CNTNAP2: variants seen among roughly 807,000 people sequenced by gnomAD.
CNTNAP2 encodes contactin associated protein 2.
CNTNAP2 carries 98 observed loss-of-function variants against 155.2 expected under a neutral mutation model. That is an observed-to-expected ratio of 0.63 (90% CI 0.54 to 0.75). CNTNAP2 has a LOEUF of 0.75. Among genes scored for constraint, CNTNAP2 ranks in the 30% least tolerant of loss-of-function variants. CNTNAP2 has a pLI of 0.00. For synonymous variants in CNTNAP2, 651 were observed against 631.2 expected (o/e 1.03, Z -0.47); for missense variants, 1,727 against 1,688.1 (o/e 1.02, Z -0.40).
At chr7:146,168,741 T>G (rs1169027865) in intron 1 of CNTNAP2, among the ~76,000 whole-genome samples, 2 of 152,220 alleles carry the variant, frequency 1.3e-5, no homozygotes, top group African/African-American at 4.8e-5. Context: ...TGCAATGACC[T>G]ACCCAATGGT....
chr7:147,477,834 CAG>C (rs1798349025), intron 10 of CNTNAP2, among the ~76,000 whole-genome samples: 1 of 152,152 alleles, frequency 6.6e-6, no homozygotes, highest in Admixed American at 6.5e-5. Context: ...AATCAAATGG[CAG>C]AGTTTACACC....
chr7:148,029,975 G>A (rs1802443610), intron 15 of CNTNAP2, among the ~76,000 whole-genome samples: 2 of 152,188 alleles, frequency 1.3e-5, no homozygotes. Flanking sequence ...TAGAATCAAT[G>A]TCTTCTTAAT....
At chr7:147,741,970 T>C (rs1796963263) in intron 13 of CNTNAP2, among the ~76,000 whole-genome samples, 1 of 152,164 alleles carries the variant, frequency 6.6e-6, no homozygotes, top group African/African-American at 2.4e-5. Flanking sequence ...TGGGGAGGCC[T>C]CACAATCATG....
intron 20 of CNTNAP2, among the ~76,000 whole-genome samples, chr7:148,258,461 C>T (rs1015403904): frequency 3.3e-5 from 5 of 152,166 alleles, no homozygotes; most frequent in African/African-American, 1.2e-4. Context: ...ATACTGGGGT[C>T]AAGGCCTGCT....
chr7:146,590,413 T>A (rs1798763612), intron 1 of CNTNAP2, among the ~76,000 whole-genome samples: 1 of 152,182 alleles, frequency 6.6e-6, no homozygotes, highest in Admixed American at 6.5e-5. Flanking sequence ...ATGACAATGA[T>A]CATGCCTGTC....
At chr7:147,453,318 T>C (rs1003227840) in intron 10 of CNTNAP2, among the ~76,000 whole-genome samples, 11 of 152,170 alleles carry the variant, frequency 7.2e-5, no homozygotes, top group Admixed American at 2.0e-4. Flanking sequence ...CCGGCCTTCC[T>C]GCTTCCCTAT....
intron 1 of CNTNAP2, among the ~76,000 whole-genome samples, chr7:146,220,989 G>A (rs1181569070): frequency 6.6e-6 from 1 of 152,216 alleles, no homozygotes. Context: ...ATTAGATAAT[G>A]TTTGTGCCTA....
chr7:146,799,808 C>T lies in CNTNAP2; in HGVS notation c.208+25427C>T, dbSNP rs76965907. ...CTACATTTCTGGACCTCTATCTCTT[C>T]ACTTTTAAAATGGGGATCACTTTGA... is the stretch of plus-strand genomic sequence containing the variant. On this transcript the variant is annotated intron_variant, in intron 2 of 23. Transcript: ENST00000361727. Among the ~76,000 whole-genome samples the T allele has an allele frequency of 7.9e-3, 1,209 of 152,252 alleles. 20 individuals carry two copies. The highest frequency in any genetic ancestry group is 0.026 in the African/African-American group (1,091 of 41,566).
chr7:146,807,576 A>T (rs889096651), intron 2 of CNTNAP2, among the ~76,000 whole-genome samples: 2 of 152,050 alleles, frequency 1.3e-5, no homozygotes, highest in African/African-American at 4.8e-5. Context: ...ATTACCTCTC[A>T]TGGTGACAAT....
chr7:147,729,212 A>C (rs1796695098), intron 13 of CNTNAP2, among the ~76,000 whole-genome samples: 1 of 151,766 alleles, frequency 6.6e-6, no homozygotes, highest in African/African-American at 2.4e-5. Context: ...CTGGGATGAC[A>C]GTTGTAAGCC....
At chr7:148,165,508 G>C (rs1239514531) in intron 17 of CNTNAP2, among the ~76,000 whole-genome samples, 2 of 152,100 alleles carry the variant, frequency 1.3e-5, no homozygotes, top group African/African-American at 4.8e-5. Flanking sequence ...TGCTTCTATA[G>C]AATGTGCCTA....
At chr7:146,738,429 T>C (rs1280206087) in intron 1 of CNTNAP2, among the ~76,000 whole-genome samples, 1 of 152,018 alleles carries the variant, frequency 6.6e-6, no homozygotes, top group African/African-American at 2.4e-5. Flanking sequence ...ATCAGACATA[T>C]AGTTTGCAAA....
intron 4 of CNTNAP2, among the ~76,000 whole-genome samples, chr7:147,083,445 A>C (rs556211771): frequency 7.9e-4 from 119 of 151,286 alleles, no homozygotes; most frequent in African/African-American, 2.8e-3. Flanking sequence ...TAATGTGTAC[A>C]TTAAATTTAA....
chr7:147,730,935 A>G (rs1304419470), intron 13 of CNTNAP2, among the ~76,000 whole-genome samples: 4 of 152,254 alleles, frequency 2.6e-5, no homozygotes, highest in South Asian at 2.1e-4. Flanking sequence ...CATAGAACCA[A>G]CCACAACATT....
intron 3 of CNTNAP2, among the ~76,000 whole-genome samples, chr7:146,918,069 A>C (rs1156274742): frequency 6.6e-6 from 1 of 152,166 alleles, no homozygotes; most frequent in Admixed American, 6.6e-5. Flanking sequence ...AGTTTATGCA[A>C]GTCCACATGT....
rs74957723 is a variant in CNTNAP2, at chr7:147,145,176, C to A, written c.1348+12667C>A. Among the ~76,000 whole-genome samples, 760 of 152,206 alleles carry A rather than the reference C, an allele frequency of 5.0e-3. 4 individuals carry two copies. The highest frequency in any genetic ancestry group is 8.4e-3 in the Non-Finnish European group (570 of 68,008). On this transcript the variant is annotated intron_variant, in intron 8 of 23. Coordinates refer to ENST00000361727, the MANE Select transcript of CNTNAP2 (RefSeq NM_014141.6). ...AGCAATTCCTACCATTTCTAATTTC[C>A]TTTTGTTCTCTTAATAAAACCATGA...
intron 1 of CNTNAP2, among the ~76,000 whole-genome samples, chr7:146,296,381 T>C (rs1800514838): frequency 1.3e-5 from 2 of 152,114 alleles, no homozygotes; most frequent in South Asian, 4.1e-4. Flanking sequence ...TTTTCTCCTG[T>C]CTCCTCCTTT....
intron 10 of CNTNAP2, among the ~76,000 whole-genome samples, chr7:147,477,353 A>C (rs1361216585): frequency 6.6e-6 from 1 of 152,208 alleles, no homozygotes; most frequent in East Asian, 1.9e-4. Context: ...CACACAGAAT[A>C]TCTGAGGCAT....
Position 146,755,544 on chromosome 7 carries a change from T to G in CNTNAP2, c.98-18727T>G, listed in dbSNP as rs116753144. ...CTCCAGGATAACTTGTCAAGTGCAT[T>G]TTCATATTATGTTTCAAATAACACT... On this transcript the variant is annotated intron_variant, in intron 1 of 23. Coordinates refer to ENST00000361727, the MANE Select transcript of CNTNAP2 (RefSeq NM_014141.6). Among the ~76,000 whole-genome samples, 571 of 152,116 alleles carry G rather than the reference T, an allele frequency of 3.8e-3. 3 individuals are homozygous for G. Among genetic ancestry groups the G allele is most frequent in the African/African-American group, 0.013 (550 of 41,564 alleles).
Sources: allele counts gnomAD v4.1 joint callset (sites outside exome capture counted in the v4.1 genomes callset), GRCh38; gene constraint gnomAD v4.1.1; transcripts MANE v1.5; gene names NCBI Gene and HGNC (gene_info 2026-07-23, HGNC 2026-07-21).